The following PTPRT variants were observed in gnomAD, a reference collection of about 807,000 sequenced individuals.
PTPRT encodes the protein receptor-type tyrosine-protein phosphatase T.
Under a neutral mutation model 176.8 loss-of-function variants are expected in PTPRT, and 56 were observed. The observed-to-expected ratio is 0.32, with a 90% CI of 0.26 to 0.40. The LOEUF (loss-of-function observed/expected upper bound fraction) is 0.40, where lower values mean the gene tolerates loss of function less well. Ranked by LOEUF, PTPRT falls within the 10% of genes least tolerant of loss-of-function variation. PTPRT has a pLI of 1.00. For synonymous variants in PTPRT, 783 were observed against 739.0 expected (o/e 1.06, Z -0.96); for missense variants, 1,540 against 1,908.2 (o/e 0.81, Z 3.60).
At chr20:42,787,981 T>G (rs190869047) in intron 3 of PTPRT, among the ~76,000 whole-genome samples, 1 of 152,230 alleles carries the variant, frequency 6.6e-6, no homozygotes, top group East Asian at 1.9e-4. Flanking sequence ...CTGACACATA[T>G]CTGACACCAT....
intron 2 of PTPRT, among the ~76,000 whole-genome samples, chr20:42,852,189 T>C (rs2078484514): frequency 6.6e-6 from 1 of 152,192 alleles, no homozygotes; most frequent in Admixed American, 6.6e-5. Flanking sequence ...CAATCATTTT[T>C]GTCAAGTTTT....
intron 1 of PTPRT, among the ~76,000 whole-genome samples, chr20:43,007,223 C>T (rs1568730190): frequency 1.3e-5 from 2 of 152,176 alleles, no homozygotes; most frequent in Admixed American, 1.3e-4. Context: ...CAGCTCTCTC[C>T]TTTGACAATT....
At chr20:42,821,954 G>A (rs1342387168) in intron 2 of PTPRT, among the ~76,000 whole-genome samples, 3 of 152,110 alleles carry the variant, frequency 2.0e-5, no homozygotes, top group East Asian at 1.9e-4. Flanking sequence ...TGGATAGGAA[G>A]AATCAATACT....
At chr20:42,446,634 G>C (rs921960403) in intron 9 of PTPRT, among the ~76,000 whole-genome samples, 1 of 149,150 alleles carries the variant, frequency 6.7e-6, no homozygotes, top group Non-Finnish European at 1.5e-5. Context: ...GAGAGAGAGA[G>C]AGATTGTGGT....
intron 2 of PTPRT, among the ~76,000 whole-genome samples, chr20:42,810,502 C>A (rs947914471): frequency 6.6e-6 from 1 of 152,136 alleles, no homozygotes; most frequent in African/African-American, 2.4e-5. Flanking sequence ...CCTGGAGACT[C>A]CTAGTTCATG....
chr20:42,750,314 G>T (rs2076752411), intron 6 of PTPRT, among the ~76,000 whole-genome samples: 1 of 151,794 alleles, frequency 6.6e-6, no homozygotes, highest in Admixed American at 6.6e-5. Context: ...GTTTATATAT[G>T]TTACATATAT....
chr20:42,759,834 C>T (rs563202335), intron 5 of PTPRT, among the ~76,000 whole-genome samples: 4 of 152,312 alleles, frequency 2.6e-5, no homozygotes, highest in South Asian at 2.1e-4. Context: ...TCTGATTCCA[C>T]GAGTCAACTC....
chr20:42,649,910 T>A (rs1448150371), intron 7 of PTPRT, among the ~76,000 whole-genome samples: 1 of 152,114 alleles, frequency 6.6e-6, no homozygotes, highest in Non-Finnish European at 1.5e-5. Context: ...GTCTATGTTA[T>A]CCAGGCAAGG....
chr20:43,111,895 T>C (rs1240867058), intron 1 of PTPRT, among the ~76,000 whole-genome samples: 4 of 152,170 alleles, frequency 2.6e-5, no homozygotes, highest in East Asian at 3.9e-4. Flanking sequence ...CAACCACAGC[T>C]TTTGTTTAAA....
At chr20:42,707,191 CCACA>C (rs2076073458) in intron 6 of PTPRT, among the ~76,000 whole-genome samples, 1 of 151,952 alleles carries the variant, frequency 6.6e-6, no homozygotes, top group East Asian at 1.9e-4. Context: ...GTTTTTTTTG[CCACA>C]CACAGTTTGT....
At chr20:42,489,109 T>G (rs1326310571) in intron 7 of PTPRT, among the ~76,000 whole-genome samples, 1 of 152,026 alleles carries the variant, frequency 6.6e-6, no homozygotes, top group East Asian at 1.9e-4. Context: ...TTTACCTTTT[T>G]TTAAATTATA....
intron 2 of PTPRT, among the ~76,000 whole-genome samples, chr20:42,866,876 T>A (rs2078755561): frequency 6.6e-6 from 1 of 152,200 alleles, no homozygotes; most frequent in South Asian, 2.1e-4. Flanking sequence ...AACTGTAAAA[T>A]GGGCTGTTAC....
At chr20:42,099,549 G>GGGT (rs1555863932) in intron 26 of PTPRT, among the ~76,000 whole-genome samples, 1 of 60,484 alleles carries the variant, frequency 1.7e-5, no homozygotes, top group East Asian at 6.0e-4. Context: ...GCCTGGGCGG[G>GGGT]GGGGGGGGGG....
chr20:43,115,990 C>T (rs1227010003), intron 1 of PTPRT, among the ~76,000 whole-genome samples: 2 of 152,226 alleles, frequency 1.3e-5, no homozygotes, highest in African/African-American at 4.8e-5. Context: ...TAGGTGCCAA[C>T]TCTGGGTACT....
intron 7 of PTPRT, among the ~76,000 whole-genome samples, chr20:42,641,990 T>C (rs1190639106): frequency 2.0e-5 from 3 of 152,168 alleles, no homozygotes; most frequent in Admixed American, 1.3e-4. Context: ...TGGGAGAGCA[T>C]AGAGCTTGCT....
At chr20:42,913,105 A>G (rs1280623745) in intron 1 of PTPRT, among the ~76,000 whole-genome samples, 2 of 152,166 alleles carry the variant, frequency 1.3e-5, no homozygotes, top group African/African-American at 2.4e-5. Context: ...AAAAATTAAA[A>G]CGACTGTATG....
chr20:42,080,534 G>T lies in PTPRT; in HGVS notation c.*345C>A. 3.3e-6 allele frequency: 1 copy of T among 304,048 alleles called. No individual in the cohort carries two copies. Among genetic ancestry groups the T allele is most frequent in the Non-Finnish European group, 6.2e-6 (1 of 161,726 alleles). The allele number at this position is 304,048 out of a possible 1,614,324, so 18.8% of individuals were successfully genotyped here. ...GGGAGCCTCCCACTCCCCAGCACCTGCACAGTTGGCTTGCCAAGAGATCCA... is the reference window on the plus strand; with the variant it reads ...GGGAGCCTCCCACTCCCCAGCACCTTCACAGTTGGCTTGCCAAGAGATCCA... On this transcript the variant is annotated 3_prime_UTR_variant, in exon 31 of 31. Coordinates refer to ENST00000373187, the MANE Select transcript of PTPRT (RefSeq NM_007050.6).
chr20:42,464,647 A>T (rs2071075005), intron 8 of PTPRT, among the ~76,000 whole-genome samples: 1 of 152,192 alleles, frequency 6.6e-6, no homozygotes, highest in African/African-American at 2.4e-5. Context: ...ATCTTGGTAA[A>T]CATCTCAAAT....
At chr20:42,745,722 A>T (rs755739982) in intron 6 of PTPRT, among the ~76,000 whole-genome samples, 5 of 152,232 alleles carry the variant, frequency 3.3e-5, no homozygotes, top group Admixed American at 6.5e-5. Context: ...TTCCATATAT[A>T]TCTGTCACGG....
Sources: allele counts gnomAD v4.1 joint callset (sites outside exome capture counted in the v4.1 genomes callset), GRCh38; gene constraint gnomAD v4.1.1; transcripts MANE v1.5; gene names NCBI Gene and HGNC (gene_info 2026-07-23, HGNC 2026-07-21).